NRXN3: variants seen among roughly 807,000 people sequenced by gnomAD.
NRXN3 encodes the protein neurexin 3, also known as neurexin III.
NRXN3 carries 32 observed loss-of-function variants against 137.6 expected under a neutral mutation model. The ratio of observed to expected loss-of-function variants is 0.23; its 90% CI spans 0.18 to 0.31. NRXN3 has a LOEUF of 0.31. NRXN3 is among the 10% of genes least tolerant of loss of function. NRXN3 has a pLI of 1.00. For missense variants in NRXN3, 1,574 were observed against 2,062.5 expected (o/e 0.76, Z 4.59); for synonymous variants, 798 against 784.5 (o/e 1.02, Z -0.29).
intron 16 of NRXN3, among the ~76,000 whole-genome samples, chr14:79,603,254 A>G (rs1446674656): frequency 1.3e-5 from 2 of 152,256 alleles, no homozygotes; most frequent in Non-Finnish European, 2.9e-5. Flanking sequence ...GCCAGAGGGA[A>G]AGGGACAAAG....
intron 15 of NRXN3, among the ~76,000 whole-genome samples, chr14:79,129,191 G>A (rs1682387924): frequency 6.6e-6 from 1 of 151,656 alleles, no homozygotes; most frequent in African/African-American, 2.4e-5. Context: ...GTTCTGCTCT[G>A]ATTTTAGTTA....
chr14:79,759,912 T>C (rs1012448558), intron 19 of NRXN3, among the ~76,000 whole-genome samples: 1 of 151,698 alleles, frequency 6.6e-6, no homozygotes, highest in African/African-American at 2.4e-5. Flanking sequence ...TCTGTCTGTA[T>C]GAATATTTTT....
intron 15 of NRXN3, among the ~76,000 whole-genome samples, chr14:79,049,928 G>T (rs1595381517): frequency 6.6e-6 from 1 of 152,064 alleles, no homozygotes; most frequent in Non-Finnish European, 1.5e-5. Context: ...CAGTCTCTCT[G>T]CAGGAGTCTC....
At chr14:78,425,036 C>CTCGAGCCTG (rs2093607714) in intron 4 of NRXN3, among the ~76,000 whole-genome samples, 1 of 152,170 alleles carries the variant, frequency 6.6e-6, no homozygotes, top group South Asian at 2.1e-4. Flanking sequence ...GATGGATCTA[C>CTCGAGCCTG]AAATTGGACT....
At chr14:79,416,395 T>C (rs1341066375) in intron 15 of NRXN3, among the ~76,000 whole-genome samples, 1 of 152,118 alleles carries the variant, frequency 6.6e-6, no homozygotes, top group Non-Finnish European at 1.5e-5. Flanking sequence ...TGTAACATTT[T>C]CTAAATATGT....
intron 15 of NRXN3, among the ~76,000 whole-genome samples, chr14:79,339,252 G>C (rs770867842): frequency 2.6e-5 from 4 of 152,198 alleles, no homozygotes; most frequent in Non-Finnish European, 5.9e-5. Flanking sequence ...TGTGACCTAG[G>C]AAAACGAGAC....
chr14:78,923,422 C>A (rs970982226), intron 10 of NRXN3, among the ~76,000 whole-genome samples: 1 of 152,128 alleles, frequency 6.6e-6, no homozygotes, highest in Non-Finnish European at 1.5e-5. Context: ...GGCAAACTAC[C>A]TTCTTATCTT....
At chr14:78,268,877 C>T (rs941516373) in intron 2 of NRXN3, among the ~76,000 whole-genome samples, 7 of 152,110 alleles carry the variant, frequency 4.6e-5, no homozygotes, top group Non-Finnish European at 8.8e-5. Flanking sequence ...ACGCTGTCTT[C>T]TGGGTCATGT....
intron 19 of NRXN3, among the ~76,000 whole-genome samples, chr14:79,793,681 A>T (rs2099152515): frequency 6.6e-6 from 1 of 152,182 alleles, no homozygotes; most frequent in South Asian, 2.1e-4. Context: ...CTAGAATAGA[A>T]TTTCTTTTCT....
chr14:78,504,359 G>A (rs1164647459), intron 4 of NRXN3, among the ~76,000 whole-genome samples: 1 of 152,180 alleles, frequency 6.6e-6, no homozygotes, highest in African/African-American at 2.4e-5. Context: ...AGAGGTATAT[G>A]TGACTAGCCC....
intron 1 of NRXN3, among the ~76,000 whole-genome samples, chr14:78,232,597 A>G (rs1470559377): frequency 6.6e-6 from 1 of 152,122 alleles, no homozygotes; most frequent in Non-Finnish European, 1.5e-5. Context: ...GTGGGGAAAG[A>G]TCAGCTAAGC....
chr14:79,505,978 T>A (rs59809006), intron 16 of NRXN3, among the ~76,000 whole-genome samples: 2,376 of 152,312 alleles, frequency 0.016, 74 homozygotes, highest in African/African-American at 0.055. Flanking sequence ...GGGAAGGGTC[T>A]GCTTCCAAGC....
At chr14:78,430,110 C>T (rs1438746203) in intron 4 of NRXN3, among the ~76,000 whole-genome samples, 2 of 152,124 alleles carry the variant, frequency 1.3e-5, no homozygotes. Context: ...TGGTGTTGCA[C>T]GTCTACAGTC....
chr14:79,036,302 A>G (rs1390998326), intron 15 of NRXN3, among the ~76,000 whole-genome samples: 2 of 152,050 alleles, frequency 1.3e-5, no homozygotes, highest in African/African-American at 2.4e-5. Context: ...TTAAATTTAT[A>G]TATGATCTTG....
At chr14:78,808,239 G>A (rs989900963) in intron 9 of NRXN3, among the ~76,000 whole-genome samples, 1 of 152,116 alleles carries the variant, frequency 6.6e-6, no homozygotes, top group Non-Finnish European at 1.5e-5. Context: ...TCTTACATTG[G>A]TTTAAAGACC....
At chr14:79,245,107 G>T (rs1219336776) in intron 15 of NRXN3, among the ~76,000 whole-genome samples, 1 of 152,090 alleles carries the variant, frequency 6.6e-6, no homozygotes, top group Non-Finnish European at 1.5e-5. Context: ...CCTTTGAAAG[G>T]TGAGGTTAAT....
intron 4 of NRXN3, among the ~76,000 whole-genome samples, chr14:78,426,530 G>A (rs1422051195): frequency 6.6e-6 from 1 of 152,184 alleles, no homozygotes; most frequent in Non-Finnish European, 1.5e-5. Flanking sequence ...GCCTTCATAA[G>A]GTAACCAAGA....
chr14:78,753,277 GA>G (rs368910714), intron 8 of NRXN3, among the ~76,000 whole-genome samples: 27 of 150,418 alleles, frequency 1.8e-4, no homozygotes, highest in African/African-American at 4.9e-4. Flanking sequence ...GAGCAAAACA[GA>G]AAAAAAAAAT....
chr14:79,770,002 C>A (rs1182970647), intron 19 of NRXN3, among the ~76,000 whole-genome samples: 2 of 152,006 alleles, frequency 1.3e-5, no homozygotes, highest in Middle Eastern at 3.4e-3. Context: ...GACTTTAAAC[C>A]AACAAAGATC....
Sources: gnomAD v4.1 joint callset for allele counts (sites outside exome capture counted in the v4.1 genomes callset) on GRCh38, gnomAD v4.1.1 for gene constraint, MANE v1.5 for transcripts, NCBI Gene and HGNC (gene_info 2026-07-23, HGNC 2026-07-21) for gene names.